Variants in C10orf143 observed in about 807,000 individuals in gnomAD.
C10orf143 encodes the protein uncharacterized protein C10orf143.
intron 3 of C10orf143, among the ~76,000 whole-genome samples, chr10:130,078,863 G>C (rs999993131): frequency 2.6e-5 from 4 of 151,702 alleles, no homozygotes; most frequent in African/African-American, 9.7e-5. Context: ...ATATACACAC[G>C]CACAAATTCC....
At chr10:130,109,545 C>T (rs1032864702) in intron 1 of C10orf143, among the ~76,000 whole-genome samples, 10 of 152,132 alleles carry the variant, frequency 6.6e-5, no homozygotes, top group Non-Finnish European at 1.2e-4. Flanking sequence ...TACAAAAGCA[C>T]CCTAACCTGC....
chr10:130,082,200 T>C (rs1296243604), intron 1 of C10orf143, among the ~76,000 whole-genome samples: 1 of 151,966 alleles, frequency 6.6e-6, no homozygotes. Context: ...TTTTTAGAGA[T>C]GAGGTCTCAC....
intron 3 of C10orf143, among the ~76,000 whole-genome samples, chr10:130,046,303 C>A (rs1216522607): frequency 1.3e-5 from 2 of 152,010 alleles, no homozygotes; most frequent in Non-Finnish European, 2.9e-5. Flanking sequence ...CACTCTCGGG[C>A]TCCCTGCAGG....
chr10:130,060,693 G>C (rs147213843), downstream of C10orf143, among the ~76,000 whole-genome samples: 4 of 151,576 alleles, frequency 2.6e-5, no homozygotes, highest in African/African-American at 4.9e-5. Context: ...GCGTGGTAGC[G>C]GGCACCTGCA....
intron 1 of C10orf143, among the ~76,000 whole-genome samples, chr10:130,090,460 T>C (rs995724672): frequency 6.6e-6 from 1 of 152,080 alleles, no homozygotes; most frequent in African/African-American, 2.4e-5. Flanking sequence ...ACCAGGGCCC[T>C]GGGTTTCAAG....
chr10:130,069,346 A>G (rs566718159), intron 3 of C10orf143, among the ~76,000 whole-genome samples: 1 of 152,342 alleles, frequency 6.6e-6, no homozygotes, highest in South Asian at 2.1e-4. Context: ...CGACATTGAA[A>G]TTATAATGAT....
intron 1 of C10orf143, among the ~76,000 whole-genome samples, chr10:130,084,563 G>A (rs777292214): frequency 1.3e-5 from 2 of 152,128 alleles, no homozygotes; most frequent in Non-Finnish European, 2.9e-5. Context: ...ACCCAGTGGT[G>A]TTGCATTAGA....
intron 3 of C10orf143, among the ~76,000 whole-genome samples, chr10:130,055,518 C>A (rs911037971): frequency 6.6e-6 from 1 of 152,206 alleles, no homozygotes; most frequent in East Asian, 1.9e-4. Flanking sequence ...GTGATTGCCC[C>A]AGGCATTTAT....
At chr10:130,038,578 T>C (rs573047267) in intron 3 of C10orf143, among the ~76,000 whole-genome samples, 2 of 152,266 alleles carry the variant, frequency 1.3e-5, no homozygotes, top group African/African-American at 2.4e-5. Context: ...ATTTTATTAA[T>C]TGGCGTTTGC....
At chr10:130,108,590 G>T in intron 1 of C10orf143, 4 of 547,536 alleles carry the variant, frequency 7.3e-6, no homozygotes, top group South Asian at 2.4e-5. Flanking sequence ...TTGTAAATAA[G>T]GATGATTTAA....
intron 3 of C10orf143, among the ~76,000 whole-genome samples, chr10:130,046,799 G>A (rs913730382): frequency 1.3e-5 from 2 of 152,222 alleles, no homozygotes; most frequent in Admixed American, 6.5e-5. Context: ...TTTAATCCGT[G>A]CGTCTATGCA....
chr10:130,048,587 G>A (rs530657020), intron 3 of C10orf143, among the ~76,000 whole-genome samples: 1 of 152,118 alleles, frequency 6.6e-6, no homozygotes, highest in Non-Finnish European at 1.5e-5. Context: ...CAGGGACCTC[G>A]GTCACTTTTA....
chr10:130,106,873 T>G (rs764197007), intron 1 of C10orf143: 1 of 1,103,338 alleles, frequency 9.1e-7, no homozygotes, highest in Non-Finnish European at 1.4e-6. Context: ...AGATGAAAGA[T>G]TGGGCTGCTA....
chr10:130,097,550 A>G lies in C10orf143; in HGVS notation c.69+13154T>C, dbSNP rs1861481819. ...TATTTTGGCAGTTTCTTAGAAAGTT[A>G]AAAATAAATTTACCATAGAAACCAG... On this transcript the variant is annotated intron_variant, in intron 1 of 3. Transcript: ENST00000637128. Among the ~76,000 whole-genome samples the G allele has an allele frequency of 2.0e-5, 3 of 152,238 alleles. No homozygotes were observed. The South Asian group carries it at 6.2e-4, about 32-fold the overall frequency.
At chr10:130,042,160 T>A (rs1290361168) in intron 3 of C10orf143, among the ~76,000 whole-genome samples, 1 of 152,226 alleles carries the variant, frequency 6.6e-6, no homozygotes. Context: ...GTGGGCTTCA[T>A]GTGGGAAGAA....
At chr10:130,082,800 T>G (rs1205433590) in intron 1 of C10orf143, among the ~76,000 whole-genome samples, 1 of 152,122 alleles carries the variant, frequency 6.6e-6, no homozygotes, top group Non-Finnish European at 1.5e-5. Context: ...ATGCAAAAGA[T>G]CTAATTATAA....
At chr10:130,074,448 T>TA in intron 3 of C10orf143, among the ~76,000 whole-genome samples, 1 of 152,224 alleles carries the variant, frequency 6.6e-6, no homozygotes, top group Non-Finnish European at 1.5e-5. Context: ...GGATGCTTGC[T>TA]ATCAGCTGTG....
chr10:130,094,488 G>C (rs1861432982), intron 1 of C10orf143, among the ~76,000 whole-genome samples: 1 of 152,160 alleles, frequency 6.6e-6, no homozygotes. Flanking sequence ...TAAAATACTG[G>C]CAAACTGATT....
chr10:130,102,263 G>C (rs1037651474), intron 1 of C10orf143, among the ~76,000 whole-genome samples: 2 of 128,098 alleles, frequency 1.6e-5, no homozygotes, highest in Non-Finnish European at 3.4e-5. Flanking sequence ...AAGTAAGTCA[G>C]GCGGTTTGAT....
Sources: gnomAD v4.1 joint callset for allele counts (sites outside exome capture counted in the v4.1 genomes callset) on GRCh38, gnomAD v4.1.1 for gene constraint, MANE v1.5 for transcripts, NCBI Gene and HGNC (gene_info 2026-07-23, HGNC 2026-07-21) for gene names.